Variants in CTR9 observed in about 807,000 individuals in gnomAD.
CTR9 encodes CTR9 component of Paf1/RNA polymerase II complex, also known as RNA polymerase-associated protein CTR9 homolog.
Under a neutral mutation model 152.1 loss-of-function variants are expected in CTR9, and 41 were observed. The observed-to-expected ratio is 0.27, with a 90% CI of 0.21 to 0.35. The LOEUF is 0.35. CTR9 is among the 10% of genes least tolerant of loss of function. The pLI is 1.00. For missense variants in CTR9, 917 were observed against 1,424.4 expected (o/e 0.64, Z 5.73); for synonymous variants, 476 against 496.2 (o/e 0.96, Z 0.54).
At chr11:10,775,041 C>T (rs1401012539) in intron 22 of CTR9, among the ~76,000 whole-genome samples, 166 bp from the exon 23 acceptor site, 1 of 152,170 alleles carries the variant, frequency 6.6e-6, no homozygotes, top group East Asian at 1.9e-4. Context: ...GAGCCACGTG[C>T]AGCAAGAGTA....
chr11:10,752,656 A>C lies in CTR9; in HGVS notation c.46-16A>C. 1 of 1,580,912 alleles carries C rather than the reference A, an allele frequency of 6.3e-7. No homozygotes were observed. Among genetic ancestry groups the C allele is most frequent in the East Asian group, 2.2e-5 (1 of 44,676 alleles). On this transcript the variant is annotated splice_polypyrimidine_tract_variant and intron_variant, in intron 1 of 24. Transcript: ENST00000361367. ...TAAAGTGGAATAAGAGTTAAGACCT[A>C]CCTTTTGTATTTTAGGTCATTGAAC...
intron 2 of CTR9, among the ~76,000 whole-genome samples, chr11:10,753,165 T>C (rs1279430884): frequency 1.3e-5 from 2 of 152,200 alleles, no homozygotes; most frequent in Non-Finnish European, 2.9e-5. Flanking sequence ...TAGAATGTGA[T>C]TAGGTTCTGG....
At chr11:10,755,573 G>T in intron 3 of CTR9, 105 bp from the exon 4 acceptor site, 1 of 651,072 alleles carries the variant, frequency 1.5e-6, no homozygotes. Context: ...CATTTGATAG[G>T]GGAATTTGCA....
Position 10,755,210 on chromosome 11 carries a change from T to A in CTR9, c.384+13T>A, listed in dbSNP as rs1462287535. ...TATGTATGATCAGGTAAAAATAAAG[T>A]CAAATTTCTTTCCATTTATGAAGGG... On this transcript the variant is annotated intron_variant, in intron 3 of 24. Coordinates refer to ENST00000361367, the MANE Select transcript of CTR9 (RefSeq NM_014633.5). 1.3e-6 allele frequency: 2 copies of A among 1,586,676 alleles called. No homozygotes were observed. Among genetic ancestry groups the A allele is most frequent in the Non-Finnish European group, 1.7e-6 (2 of 1,166,934 alleles).
At chr11:10,761,650 G>A (rs908916953) in intron 6 of CTR9, among the ~76,000 whole-genome samples, 2 of 152,058 alleles carry the variant, frequency 1.3e-5, no homozygotes, top group East Asian at 3.9e-4. Flanking sequence ...AAACAAAGGT[G>A]GCTCTTTGTG....
Position 10,767,620 on chromosome 11 carries a change from C to A in CTR9, c.1687-186C>A. ...AGTGGTGCAATTTTGTATAACTTAG[C>A]TTTAGCATTAGTAGTTCGATAAATT... On this transcript the variant is annotated intron_variant, in intron 13 of 24. Coordinates refer to ENST00000361367, the MANE Select transcript of CTR9 (RefSeq NM_014633.5). The surrounding 1 kb of genome is among the most constrained non-coding windows in gnomAD (Gnocchi z 4.0). The A allele has an allele frequency of 1.7e-6, 1 of 602,334 alleles. No individual in the cohort carries two copies. The highest frequency in any genetic ancestry group is 2.9e-6 in the Non-Finnish European group (1 of 341,636). 37.3% of individuals were successfully genotyped at this position (602,334 alleles called of 1,614,324 possible). A position where few individuals can be genotyped will look rare whatever the true frequency, so the allele number is the denominator to read the frequency against.
intron 24 of CTR9, among the ~76,000 whole-genome samples, chr11:10,777,832 G>A (rs547854142): frequency 1.3e-5 from 2 of 152,200 alleles, no homozygotes; most frequent in South Asian, 2.1e-4. Flanking sequence ...ACCGAACTCT[G>A]TGGGATTCAG....
In CTR9 at chr11:10,755,771, C is replaced by T. The variant is rs776521308; in HGVS notation, c.478C>T (p.Pro160Ser). 1.2e-6 allele frequency: 2 copies of T among 1,611,860 alleles called. No homozygotes were observed. The highest frequency in any genetic ancestry group is 1.1e-5 in the South Asian group (1 of 90,892). ...AQFHFVLNQS[P>S]NNIPALLGKA... ...GTTTCATTTTGTACTCAATCAGTCT[C>T]CAAATAATATTCCAGCCCTTCTTGG... is the stretch of plus-strand genomic sequence containing the variant. Residue 160 changes from proline (P) to serine (S), a missense_variant, in exon 4 of 25, where the codon CCA (proline) becomes TCA (serine). Physicochemically the swap from Pro to Ser is moderately conservative, Grantham distance 74 (BLOSUM62 -1). Coordinates refer to ENST00000361367, the MANE Select transcript of CTR9 (RefSeq NM_014633.5).
In CTR9 at chr11:10,764,542, T is replaced by C. The variant is rs187604916; in HGVS notation, c.1414-6T>C. On this transcript the variant is annotated splice_region_variant and splice_polypyrimidine_tract_variant and intron_variant, in intron 11 of 24. Transcript: ENST00000361367. ...CTTTTAACAGTGTGATTTTTCTTTC[T>C]CATAGAAATATTTTTTGGCGTCATT... 14 of 1,603,816 alleles carry C rather than the reference T, an allele frequency of 8.7e-6. No homozygotes were observed. The highest frequency in any genetic ancestry group is 1.0e-5 in the Non-Finnish European group (12 of 1,172,680).
At chr11:10,771,691 AGGGAAC>A in intron 19 of CTR9, 75 bp downstream of exon 19, 1 of 1,009,210 alleles carries the variant, frequency 9.9e-7, no homozygotes, top group Non-Finnish European at 1.6e-6. Context: ...GTGCCACAGT[AGGGAAC>A]AGAGGTTCCT....
At chr11:10,763,309 CA>C (rs2135367634) in intron 7 of CTR9, 121 bp from the exon 8 acceptor site, 1 of 705,006 alleles carries the variant, frequency 1.4e-6, no homozygotes, top group African/African-American at 1.8e-5. Context: ...CACTGAAAGG[CA>C]ACTATTTATG....
Position 10,763,415 on chromosome 11 carries a change from T to C in CTR9, c.850-16T>C, listed in dbSNP as rs761783938. 6 of 1,566,256 alleles carry C rather than the reference T, an allele frequency of 3.8e-6. No individual in the cohort carries two copies. The highest frequency in any genetic ancestry group is 5.3e-6 in the Non-Finnish European group (6 of 1,138,992). ...TCTTATGAATTCACTCAGTTGACTT[T>C]CTGATCTTTGTTCAGGATTATAGTA... On this transcript the variant is annotated splice_polypyrimidine_tract_variant and intron_variant, in intron 7 of 24. Transcript: ENST00000361367.
chr11:10,768,559 T>C, intron 16 of CTR9, 68 bp downstream of exon 16: 1 of 1,480,830 alleles, frequency 6.8e-7, no homozygotes, highest in Non-Finnish European at 9.1e-7. Flanking sequence ...TCTTAGCCAT[T>C]CTGGCCCTGT....
chr11:10,752,798 T>C (rs771372197), intron 2 of CTR9, 28 bp downstream of exon 2: 60 of 1,555,860 alleles, frequency 3.9e-5, no homozygotes, highest in Admixed American at 5.1e-5. Context: ...AAATATTTTT[T>C]ATTTGTTGAC....
At chr11:10,772,931 G>A (rs1344395115) in intron 20 of CTR9, among the ~76,000 whole-genome samples, 196 bp from the exon 21 acceptor site, 4 of 152,040 alleles carry the variant, frequency 2.6e-5, no homozygotes, top group African/African-American at 7.2e-5. Flanking sequence ...GGGAGCTGAG[G>A]CAGGAGAATC....
In CTR9 at chr11:10,771,617, G is replaced by A; in HGVS notation, c.2444+1G>A. 1 of 1,608,016 alleles carries A rather than the reference G, an allele frequency of 6.2e-7. No homozygotes were observed. Among genetic ancestry groups the A allele is most frequent in the Non-Finnish European group, 8.5e-7 (1 of 1,174,534 alleles). On this transcript the variant is annotated splice_donor_variant, in intron 19 of 24. Coordinates refer to ENST00000361367, the MANE Select transcript of CTR9 (RefSeq NM_014633.5). LOFTEE classifies it high-confidence loss of function. ...TGGCCCTTGCTGCTACAGAAGCCAG[G>A]TAATGTTACTATTTATGGAAGGTGA...
intron 6 of CTR9, among the ~76,000 whole-genome samples, chr11:10,760,794 T>G (rs1862964203): frequency 6.6e-6 from 1 of 152,202 alleles, no homozygotes. Context: ...GATAGGTCCT[T>G]GTCGTCAAAC....
chr11:10,755,862 G>A, intron 4 of CTR9, 67 bp downstream of exon 4: 4 of 867,010 alleles, frequency 4.6e-6, no homozygotes, highest in South Asian at 3.3e-5. Flanking sequence ...TATATCTCTT[G>A]GTAATAGCTC....
intron 11 of CTR9, 45 bp from the exon 12 acceptor site, chr11:10,764,503 T>C (rs974571957): frequency 1.7e-5 from 27 of 1,604,030 alleles, no homozygotes; most frequent in Non-Finnish European, 2.3e-5. Context: ...TTTTAAAAAG[T>C]GTATAAACTA....
Sources: allele counts gnomAD v4.1 joint callset (sites outside exome capture counted in the v4.1 genomes callset), GRCh38; gene constraint gnomAD v4.1.1; non-coding constraint Gnocchi (gnomAD v3.1); transcripts MANE v1.5; gene names NCBI Gene and HGNC (gene_info 2026-07-23, HGNC 2026-07-21).